Variants in CARF observed in about 807,000 individuals in gnomAD.
CARF encodes calcium-responsive transcription factor.
CARF carries 57 observed loss-of-function variants against 82.0 expected under a neutral mutation model. The observed-to-expected ratio is 0.70, with a 90% CI of 0.56 to 0.87. The LOEUF (loss-of-function observed/expected upper bound fraction) is 0.87, where lower values mean the gene tolerates loss of function less well. Among genes scored for constraint, CARF ranks in the 40% least tolerant of loss-of-function variants. CARF has a pLI of 0.00. For missense variants in CARF, 771 were observed against 855.8 expected (o/e 0.90, Z 1.24); for synonymous variants, 268 against 290.1 (o/e 0.92, Z 0.77).
At chr2:202,977,623 C>T (rs2060087318) in intron 14 of CARF, among the ~76,000 whole-genome samples, 2 of 152,106 alleles carry the variant, frequency 1.3e-5, no homozygotes, top group African/African-American at 4.8e-5. Flanking sequence ...CCCTAAGATG[C>T]CCTGATCTGG....
intron 14 of CARF, among the ~76,000 whole-genome samples, chr2:202,979,872 C>G (rs963119994): frequency 1.3e-5 from 2 of 152,018 alleles, no homozygotes; most frequent in African/African-American, 4.8e-5. Context: ...AAAGCCAGTG[C>G]TTAAATCCAT....
At chr2:202,956,201 A>G (rs768044654) in intron 8 of CARF, among the ~76,000 whole-genome samples, 3 of 151,748 alleles carry the variant, frequency 2.0e-5, no homozygotes, top group Admixed American at 6.6e-5. Context: ...ACTGACATCT[A>G]CAAAAATGAT....
chr2:202,981,719 C>T, intron 15 of CARF, 34 bp downstream of exon 15: 1 of 1,583,000 alleles, frequency 6.3e-7, no homozygotes, highest in Non-Finnish European at 8.6e-7. Flanking sequence ...AATTTGAGGT[C>T]CTTCTCTTTA....
At chr2:202,940,299 GCTGAGATTACCA>G (rs1333451456) in intron 3 of CARF, among the ~76,000 whole-genome samples, 1 of 152,096 alleles carries the variant, frequency 6.6e-6, no homozygotes, top group East Asian at 1.9e-4. Context: ...CTCCCAGAAT[GCTGAGATTACCA>G]GCATGAGCCA....
intron 14 of CARF, among the ~76,000 whole-genome samples, chr2:202,980,488 A>G (rs1405588156): frequency 6.6e-6 from 1 of 150,932 alleles, no homozygotes; most frequent in Non-Finnish European, 1.5e-5. Context: ...GGGCTACAAA[A>G]GGTGAATTAA....
intron 3 of CARF, among the ~76,000 whole-genome samples, chr2:202,941,096 A>G (rs2058206939): frequency 6.6e-6 from 1 of 152,112 alleles, no homozygotes; most frequent in Non-Finnish European, 1.5e-5. Flanking sequence ...AAGTTATAAA[A>G]TAAAATTGCT....
At chr2:202,958,555 T>C (rs2059158915) in intron 8 of CARF, among the ~76,000 whole-genome samples, 1 of 152,170 alleles carries the variant, frequency 6.6e-6, no homozygotes, top group African/African-American at 2.4e-5. Context: ...TTGTCCAAGA[T>C]GAACCACTTC....
intron 5 of CARF, among the ~76,000 whole-genome samples, chr2:202,947,846 T>G (rs1380671873): frequency 2.0e-5 from 3 of 152,222 alleles, no homozygotes; most frequent in African/African-American, 4.8e-5. Context: ...GTATAGAAGC[T>G]CTTAAGTTTA....
Position 202,981,703 on chromosome 2 carries a change from T to C in CARF, c.1689+18T>C. The stretch of plus-strand genomic sequence containing the variant: ...AACTACAGGTAGGTATCCAGTAAAA[T>C]ATCCAAATTTGAGGTCCTTCTCTTT... On this transcript the variant is annotated intron_variant, in intron 15 of 16. Coordinates refer to ENST00000438828, the MANE Select transcript of CARF (RefSeq NM_024744.17). 1.9e-6 allele frequency: 3 copies of C among 1,602,240 alleles called. No individual in the cohort carries two copies. Among genetic ancestry groups the C allele is most frequent in the Non-Finnish European group, 1.7e-6 (2 of 1,174,386 alleles).
At chr2:202,920,178 G>A (rs1201833002) in intron 2 of CARF, among the ~76,000 whole-genome samples, 15 of 145,792 alleles carry the variant, frequency 1.0e-4, no homozygotes, top group African/African-American at 1.8e-4. Context: ...TTTTTGAGAC[G>A]GGGTCTCGCT....
In CARF at chr2:202,918,047, AT is replaced by A. The variant is rs893459719; in HGVS notation, c.-163+12del. The A allele has an allele frequency of 5.3e-5, 24 of 448,674 alleles. No homozygotes were observed. Among genetic ancestry groups the A allele is most frequent in the Middle Eastern group, 3.3e-4 (1 of 3,064 alleles). 27.8% of individuals were successfully genotyped at this position (448,674 alleles called of 1,614,324 possible). A position where few individuals can be genotyped will look rare whatever the true frequency, so the allele number is the denominator to read the frequency against. The stretch of plus-strand genomic sequence containing the variant: ...AAACCTGAGCCACTATCTGAAGGTA[AT>A]TTTTTTTAACTAATTGAAAGTAACA... On this transcript the variant is annotated splice_donor_5th_base_variant and intron_variant, in intron 2 of 16. Coordinates refer to ENST00000438828, the MANE Select transcript of CARF (RefSeq NM_024744.17).
At chr2:202,920,032 T>C (rs1690494829) in intron 2 of CARF, among the ~76,000 whole-genome samples, 1 of 152,230 alleles carries the variant, frequency 6.6e-6, no homozygotes, top group South Asian at 2.1e-4. Flanking sequence ...TATAAAATGA[T>C]GATAATAATA....
chr2:202,954,282 CT>C, intron 7 of CARF, 148 bp downstream of exon 7: 1 of 975,258 alleles, frequency 1.0e-6, no homozygotes, highest in Non-Finnish European at 1.4e-6. Context: ...TTTAAGGCAT[CT>C]TGGTCATAAG....
At chr2:202,923,048 C>T (rs573751285) in intron 2 of CARF, among the ~76,000 whole-genome samples, 38 of 152,148 alleles carry the variant, frequency 2.5e-4, no homozygotes, top group African/African-American at 8.9e-4. Context: ...TTGAGACCAG[C>T]CTGACCAACA....
chr2:202,940,225 G>T (rs928723192), intron 3 of CARF, among the ~76,000 whole-genome samples: 2 of 151,840 alleles, frequency 1.3e-5, no homozygotes, highest in African/African-American at 2.4e-5. Context: ...GTAGAGACAG[G>T]GTTTCACCAT....
chr2:202,974,338 T>C lies in CARF; in HGVS notation c.1336T>C (p.Phe446Leu). The change falls in exon 13 of 17, where the codon TTT becomes CTT. Residue 446 changes from phenylalanine to leucine, a missense_variant. Transcript: ENST00000438828. ...TCCATTTTGTATTCTTTACAGAAAA[T>C]TTGTGGAAAGGGAACTGTTCAAACC... ...VYAVRKQLRK[F>L]VERELFKPDE... is the part of the protein sequence containing the mutation. 1 of 1,578,026 alleles carries C rather than the reference T, an allele frequency of 6.3e-7. No individual in the cohort carries two copies. Among genetic ancestry groups the C allele is most frequent in the Non-Finnish European group, 8.5e-7 (1 of 1,170,124 alleles).
intron 1 of CARF, among the ~76,000 whole-genome samples, chr2:202,915,398 T>C (rs1689446600): frequency 6.6e-6 from 1 of 152,158 alleles, no homozygotes; most frequent in South Asian, 2.1e-4. Flanking sequence ...CAGGTTCAAG[T>C]GATCCGTGTT....
intron 3 of CARF, among the ~76,000 whole-genome samples, chr2:202,938,810 G>A (rs989800598): frequency 1.3e-5 from 2 of 151,806 alleles, no homozygotes; most frequent in East Asian, 3.9e-4. Flanking sequence ...AAACTTGTGG[G>A]CTCAAGCGAT....
intron 1 of CARF, among the ~76,000 whole-genome samples, chr2:202,915,763 A>G (rs1689517351): frequency 6.6e-6 from 1 of 150,572 alleles, no homozygotes; most frequent in East Asian, 1.9e-4. Context: ...CACTGCACCT[A>G]GCCTGTTTTT....
Sources: gnomAD v4.1 joint callset for allele counts (sites outside exome capture counted in the v4.1 genomes callset) on GRCh38, gnomAD v4.1.1 for gene constraint, MANE v1.5 for transcripts, NCBI Gene and HGNC (gene_info 2026-07-23, HGNC 2026-07-21) for gene names.